The following TDRD10 variants were observed in gnomAD, a reference collection of about 807,000 sequenced individuals.
The protein encoded by TDRD10 is tudor domain-containing protein 10.
In TDRD10, 40 loss-of-function variants were observed where a neutral mutation model predicts 48.0. The observed-to-expected ratio is 0.83, with a 90% confidence interval of 0.65 to 1.09. The LOEUF is 1.09. Among genes scored for constraint, TDRD10 ranks in the 50% least tolerant of loss-of-function variants. TDRD10 has a pLI of 0.00. For synonymous variants in TDRD10, 162 were observed against 170.4 expected (o/e 0.95, Z 0.38); for missense variants, 378 against 434.7 (o/e 0.87, Z 1.16).
At chr1:154,503,583 G>A (rs112902044) in intron 1 of TDRD10, among the ~76,000 whole-genome samples, 3 of 152,266 alleles carry the variant, frequency 2.0e-5, no homozygotes, top group African/African-American at 4.8e-5. Context: ...GCGAGACTCC[G>A]TCTCAAAAAG....
rs553082869 is a variant in TDRD10 at position 154,532,184 on chromosome 1, C to T, written c.370-9840C>T. Among the ~76,000 whole-genome samples the T allele has an allele frequency of 2.1e-4, 32 of 152,260 alleles. No homozygotes were observed. The South Asian group carries it at 2.5e-3, about 12-fold the overall frequency. On this transcript the variant is annotated intron_variant, in intron 6 of 12. Transcript: ENST00000368482. ...GCTCAGGCAGCGCAGGAGCCCATGG[C>T]GGGGTGGTGGGGAGACTCAGGCATG...
At chr1:154,523,126 G>A (rs936635446) in intron 6 of TDRD10, among the ~76,000 whole-genome samples, 1 of 152,086 alleles carries the variant, frequency 6.6e-6, no homozygotes, top group Non-Finnish European at 1.5e-5. Flanking sequence ...GGCTGATCTC[G>A]AACTCCTGAC....
At chr1:154,528,232 T>G (rs560709751) in intron 6 of TDRD10, among the ~76,000 whole-genome samples, 1 of 135,814 alleles carries the variant, frequency 7.4e-6, no homozygotes, top group Non-Finnish European at 1.6e-5. Flanking sequence ...AAAAAAAAAA[T>G]TTTTTTTTGA....
chr1:154,530,140 G>C, intron 6 of TDRD10, among the ~76,000 whole-genome samples: 1 of 151,388 alleles, frequency 6.6e-6, no homozygotes, highest in East Asian at 2.0e-4. Context: ...TCAGCCTCCC[G>C]AGGAGCTGGA....
intron 6 of TDRD10, among the ~76,000 whole-genome samples, chr1:154,525,089 C>T (rs541565570): frequency 6.6e-6 from 1 of 152,310 alleles, no homozygotes; most frequent in African/African-American, 2.4e-5. Context: ...ATGTGGTGCT[C>T]ACATGCTTTC....
At chr1:154,503,786 G>A (rs749968006) in intron 1 of TDRD10, among the ~76,000 whole-genome samples, 31 of 152,240 alleles carry the variant, frequency 2.0e-4, no homozygotes, top group Non-Finnish European at 2.4e-4. Flanking sequence ...GTGGTGGTTT[G>A]TGAGGTGGGA....
Position 154,520,260 on chromosome 1 carries a change from A to AGT in TDRD10, c.142-43_142-42dup, listed in dbSNP as rs759093582. ...TCTGAAACCTTGAGAAGTGGTTGTAAGTTATGTCTCTGGGTCTCTCTCTTT... is the reference window on the plus strand; with the variant it reads ...TCTGAAACCTTGAGAAGTGGTTGTAAGTGTTATGTCTCTGGGTCTCTCTCTTT... On this transcript the variant is annotated intron_variant, in intron 4 of 12. Transcript: ENST00000368482. 82 of 1,420,742 alleles carry AGT rather than the reference A, an allele frequency of 5.8e-5. 1 individual carries two copies. Among genetic ancestry groups the AGT allele is most frequent in the Middle Eastern group, 3.5e-4 (2 of 5,730 alleles). The allele number at this position is 1,420,742 out of a possible 1,614,324, so 88.0% of individuals were successfully genotyped here. A position where few individuals can be genotyped will look rare whatever the true frequency, so the allele number is the denominator to read the frequency against.
chr1:154,514,877 T>TA (rs59720721), intron 4 of TDRD10, among the ~76,000 whole-genome samples: 83,399 of 143,846 alleles, frequency 0.58, 24,953 homozygotes, highest in East Asian at 0.75. Flanking sequence ...TTTATTTATT[T>TA]TTTTTTTTGA....
At chr1:154,547,200 T>A (rs566414786) in intron 11 of TDRD10, among the ~76,000 whole-genome samples, 1 of 152,312 alleles carries the variant, frequency 6.6e-6, no homozygotes, top group East Asian at 1.9e-4. Flanking sequence ...GCTGTTATTT[T>A]GCCCTCCCCC....
At chr1:154,521,728 ATTCAG>A (rs755011321) in intron 6 of TDRD10, among the ~76,000 whole-genome samples, 12 of 152,352 alleles carry the variant, frequency 7.9e-5, no homozygotes, top group Non-Finnish European at 1.5e-4. Context: ...CCATTAGGCA[ATTCAG>A]TCAGGGCTTT....
intron 4 of TDRD10, among the ~76,000 whole-genome samples, chr1:154,514,541 C>G (rs1693649574): frequency 6.6e-6 from 1 of 152,078 alleles, no homozygotes; most frequent in Non-Finnish European, 1.5e-5. Context: ...CTCTCTACTT[C>G]TGTGTATGTT....
At chr1:154,546,963 C>T (rs529663090) in intron 11 of TDRD10, among the ~76,000 whole-genome samples, 6 of 152,108 alleles carry the variant, frequency 3.9e-5, no homozygotes, top group South Asian at 2.1e-4. Context: ...GCGTGAGGGA[C>T]GACATCCTGG....
chr1:154,520,140 C>T (rs1405340072), intron 4 of TDRD10, among the ~76,000 whole-genome samples, 164 bp from the exon 5 acceptor site: 1 of 152,140 alleles, frequency 6.6e-6, no homozygotes, highest in Non-Finnish European at 1.5e-5. Context: ...GGGCTGTGGC[C>T]TTTCTTGCCT....
intron 6 of TDRD10, among the ~76,000 whole-genome samples, chr1:154,525,192 T>C (rs752317036): frequency 1.3e-5 from 2 of 152,208 alleles, no homozygotes; most frequent in Non-Finnish European, 2.9e-5. Context: ...TTAGAGTTGT[T>C]TGGGGTGAGA....
intron 6 of TDRD10, among the ~76,000 whole-genome samples, chr1:154,526,869 G>A (rs4307560): frequency 0.79 from 119,126 of 151,470 alleles, 47,501 homozygotes; most frequent in East Asian, 0.92. Context: ...GATTACAGGC[G>A]TGAGCCACCG....
chr1:154,531,090 C>T (rs955779032), intron 6 of TDRD10, among the ~76,000 whole-genome samples: 8 of 152,132 alleles, frequency 5.3e-5, no homozygotes, highest in African/African-American at 1.9e-4. Context: ...ATCCGCCTGC[C>T]TCAGCCTCCC....
At chr1:154,531,467 G>A (rs903989617) in intron 6 of TDRD10, among the ~76,000 whole-genome samples, 1 of 152,150 alleles carries the variant, frequency 6.6e-6, no homozygotes, top group Non-Finnish European at 1.5e-5. Context: ...TCGTGGTCTC[G>A]CTGGCTCACG....
chr1:154,524,717 C>T (rs761138593), intron 6 of TDRD10, among the ~76,000 whole-genome samples: 4 of 152,190 alleles, frequency 2.6e-5, no homozygotes, highest in South Asian at 2.1e-4. Context: ...GTGAGTGCTC[C>T]GGGTGCTTGC....
chr1:154,523,700 C>T (rs1570932945), intron 6 of TDRD10, among the ~76,000 whole-genome samples: 1 of 152,304 alleles, frequency 6.6e-6, no homozygotes, highest in East Asian at 1.9e-4. Context: ...TCTTTAACTC[C>T]ATTGCCCTTT....
Sources: gnomAD v4.1 joint callset for allele counts (sites outside exome capture counted in the v4.1 genomes callset) on GRCh38, gnomAD v4.1.1 for gene constraint, MANE v1.5 for transcripts, NCBI Gene and HGNC (gene_info 2026-07-23, HGNC 2026-07-21) for gene names.